ICE1: variants seen among roughly 807,000 people sequenced by gnomAD.
ICE1 encodes interactor of little elongation complex ELL subunit 1.
Under a neutral mutation model 192.7 loss-of-function variants are expected in ICE1, and 64 were observed. The ratio of observed to expected loss-of-function variants is 0.33; its 90% CI spans 0.27 to 0.41. ICE1 has a LOEUF of 0.41. Ranked by LOEUF, ICE1 falls within the 10% of genes least tolerant of loss-of-function variation. The pLI, the probability that ICE1 is intolerant of heterozygous loss-of-function variation, is 1.00. For synonymous variants in ICE1, 1,010 were observed against 984.5 expected (o/e 1.03, Z -0.49); for missense variants, 2,708 against 2,696.0 (o/e 1.00, Z -0.10).
rs1993950 is a variant in ICE1 at position 5,474,740 on chromosome 5, G to A, written c.6413+992G>A. 3.5e-3 allele frequency among the ~76,000 whole-genome samples: 528 copies of A among 152,286 alleles called. 6 individuals are homozygous for A. Among genetic ancestry groups the A allele is most frequent in the Admixed American group, 0.021 (315 of 15,298 alleles). On this transcript the variant is annotated intron_variant, in intron 16 of 18. Coordinates refer to ENST00000296564, the MANE Select transcript of ICE1 (RefSeq NM_015325.3). The stretch of plus-strand genomic sequence containing the variant: ...GGGAGTTGGTGACATTAAAAAGGAT[G>A]CATCAAAGGTTTGATAATCCATATC...
intron 6 of ICE1, 84 bp downstream of exon 6, chr5:5,443,328 TACAGTC>T: frequency 1.4e-6 from 1 of 732,646 alleles, no homozygotes; most frequent in Non-Finnish European, 2.1e-6. Flanking sequence ...TTTTTTTTTT[TACAGTC>T]TTTGGATTTC....
intron 16 of ICE1, among the ~76,000 whole-genome samples, chr5:5,475,000 A>G (rs1020624092): frequency 3.3e-5 from 5 of 152,210 alleles, no homozygotes; most frequent in African/African-American, 1.2e-4. Flanking sequence ...GTCTGTTACT[A>G]AATAAGAAAA....
At chr5:5,450,253 G>A (rs1738374750) in intron 10 of ICE1, among the ~76,000 whole-genome samples, 1 of 152,040 alleles carries the variant, frequency 6.6e-6, no homozygotes, top group African/African-American at 2.4e-5. Context: ...AACCAGATAG[G>A]GATCTTGAAA....
At chr5:5,471,256 CAG>C (rs1300714983) in intron 15 of ICE1, among the ~76,000 whole-genome samples, 2 of 152,120 alleles carry the variant, frequency 1.3e-5, no homozygotes, top group Non-Finnish European at 2.9e-5. Flanking sequence ...GATTTGGAAA[CAG>C]GGTGATTTCC....
In ICE1 at chr5:5,484,257, T is replaced by C. The variant is rs145774638; in HGVS notation, c.6521-2464T>C. Reference sequence around the variant, plus strand: ...CTCTTATTTTACTCCTTAGCTCCATTAATTTAAATCACTTATAAAACTGAA... The same window carrying C: ...CTCTTATTTTACTCCTTAGCTCCATCAATTTAAATCACTTATAAAACTGAA... On this transcript the variant is annotated intron_variant, in intron 17 of 18. Transcript: ENST00000296564. 5.5e-3 allele frequency among the ~76,000 whole-genome samples: 832 copies of C among 152,314 alleles called. 11 individuals are homozygous for C. Among genetic ancestry groups the C allele is most frequent in the African/African-American group, 0.019 (800 of 41,584 alleles).
At chr5:5,482,537 G>A (rs1238092966) in intron 17 of ICE1, among the ~76,000 whole-genome samples, 4 of 152,214 alleles carry the variant, frequency 2.6e-5, no homozygotes, top group African/African-American at 9.6e-5. Flanking sequence ...CTGGAGCACA[G>A]CCTAGTGGGC....
chr5:5,423,184 T>A (rs908403157), intron 1 of ICE1, among the ~76,000 whole-genome samples, 185 bp downstream of exon 1: 3 of 152,124 alleles, frequency 2.0e-5, no homozygotes, highest in Non-Finnish European at 4.4e-5. Context: ...GACGGCTTTC[T>A]TTGCTTTATT....
intron 1 of ICE1, among the ~76,000 whole-genome samples, chr5:5,426,441 C>G (rs1267612639): frequency 6.9e-6 from 1 of 145,964 alleles, no homozygotes; most frequent in Non-Finnish European, 1.5e-5. Flanking sequence ...GAGCAAGACT[C>G]CGTCTCAAAA....
intron 10 of ICE1, among the ~76,000 whole-genome samples, chr5:5,450,603 A>G (rs1246548538): frequency 6.6e-6 from 1 of 152,204 alleles, no homozygotes; most frequent in Non-Finnish European, 1.5e-5. Context: ...ATTTTTGTGT[A>G]CAGTCTCCGT....
intron 1 of ICE1, among the ~76,000 whole-genome samples, chr5:5,428,683 A>C (rs1377652497): frequency 2.0e-5 from 3 of 152,122 alleles, no homozygotes; most frequent in Non-Finnish European, 4.4e-5. Flanking sequence ...CCAAATCAGG[A>C]TAGTAACATT....
At position 5,461,694 on chromosome 5, in the gene ICE1, A is replaced by G. The variant is rs775351102; in HGVS notation, c.2360A>G (p.Lys787Arg). The part of the protein sequence containing the change: ...ALIKSGLGFV[K>R]STSWHHSDLL... ...ATCAAGAGTGGTTTGGGTTTTGTTA[A>G]AAGTACTTCATGGCACCATAGTGAT... Residue 787 changes from lysine to arginine, a missense_variant, in exon 13 of 19, where the codon AAA becomes AGA. Around this residue, in one of 2 missense-constraint regions of ICE1, gnomAD observed 2,366 missense variants for 2,276.6 expected, o/e 1.04. Transcript: ENST00000296564. The G allele has an allele frequency of 1.2e-6, 2 of 1,613,864 alleles. No homozygotes were observed. The highest frequency in any genetic ancestry group is 1.3e-5 in the African/African-American group (1 of 75,056).
intron 10 of ICE1, among the ~76,000 whole-genome samples, chr5:5,448,872 T>C (rs186025801): frequency 1.3e-5 from 2 of 152,362 alleles, no homozygotes; most frequent in Non-Finnish European, 2.9e-5. Flanking sequence ...CTAGATATGA[T>C]TCCATGTGCT....
chr5:5,436,310 A>G (rs1243109451), intron 1 of ICE1, 108 bp from the exon 2 acceptor site: 13 of 695,006 alleles, frequency 1.9e-5, no homozygotes, highest in Middle Eastern at 4.2e-4. Context: ...TAACATTTCT[A>G]TGTTTATATA....
chr5:5,480,408 C>T (rs1037917267), intron 17 of ICE1, among the ~76,000 whole-genome samples: 19 of 151,912 alleles, frequency 1.3e-4, no homozygotes, highest in Non-Finnish European at 2.1e-4. Flanking sequence ...CGCCACCACG[C>T]CCGGCTAATT....
intron 15 of ICE1, among the ~76,000 whole-genome samples, chr5:5,470,021 G>C (rs971264107): frequency 1.3e-5 from 2 of 152,120 alleles, no homozygotes; most frequent in Non-Finnish European, 2.9e-5. Flanking sequence ...CCTGCTTTGA[G>C]GGTTACTGCC....
chr5:5,473,347 T>A (rs527640780), intron 15 of ICE1, among the ~76,000 whole-genome samples: 1 of 152,342 alleles, frequency 6.6e-6, no homozygotes, highest in African/African-American at 2.4e-5. Flanking sequence ...GCATCCTGCC[T>A]ATATTGCTTT....
chr5:5,474,054 C>CA (rs1184224950), intron 16 of ICE1, among the ~76,000 whole-genome samples: 1 of 151,732 alleles, frequency 6.6e-6, no homozygotes. Context: ...ACTAAAAATA[C>CA]AAAAAATTAG....
rs1026121834 is a variant in ICE1 at position 5,461,709 on chromosome 5, A to G, written c.2375A>G (p.His792Arg). The G allele has an allele frequency of 1.9e-6, 3 of 1,613,700 alleles. No individual in the cohort carries two copies. Among genetic ancestry groups the G allele is most frequent in the Admixed American group, 1.7e-5 (1 of 59,992 alleles). ...GLGFVKSTSW[H>R]HSDLLRKGGE... ...GGTTTTGTTAAAAGTACTTCATGGC[A>G]CCATAGTGATTTATTAAGGAAAGGT... The change falls in exon 13 of 19, where the codon CAC (histidine) becomes CGC (arginine). Residue 792 changes from histidine (H) to arginine (R), a missense_variant. Transcript: ENST00000296564.
At chr5:5,474,846 A>G (rs1170991174) in intron 16 of ICE1, among the ~76,000 whole-genome samples, 1 of 152,232 alleles carries the variant, frequency 6.6e-6, no homozygotes, top group South Asian at 2.1e-4. Context: ...CTTGTTCATC[A>G]TCTTGACACT....
Sources: allele counts gnomAD v4.1 joint callset (sites outside exome capture counted in the v4.1 genomes callset), GRCh38; gene constraint gnomAD v4.1.1; regional missense constraint gnomAD v4.1.1; transcripts MANE v1.5; gene names NCBI Gene and HGNC (gene_info 2026-07-23, HGNC 2026-07-21).